Variants in STRN3 observed in about 807,000 individuals in gnomAD.
STRN3 encodes striatin 3.
Under a neutral mutation model 95.6 loss-of-function variants are expected in STRN3, and 29 were observed. That is an observed-to-expected ratio of 0.30 (90% CI 0.23 to 0.41). The LOEUF (loss-of-function observed/expected upper bound fraction) is 0.41. Among genes scored for constraint, STRN3 ranks in the 10% least tolerant of loss-of-function variants. The pLI, the probability that STRN3 is intolerant of heterozygous loss-of-function variation, is 1.00. For missense variants in STRN3, 890 were observed against 972.1 expected, an observed-to-expected ratio of 0.92 and a Z score of 1.12; for synonymous variants, 331 against 357.6, an observed-to-expected ratio of 0.93 and a Z score of 0.84.
intron 9 of STRN3, among the ~76,000 whole-genome samples, chr14:30,917,421 C>T (rs1336090683): frequency 1.3e-5 from 2 of 152,062 alleles, no homozygotes; most frequent in East Asian, 1.9e-4. Context: ...ACATTGCTAA[C>T]GTGGCTTTGC....
chr14:30,966,140 C>CT (rs1880491251), intron 1 of STRN3, among the ~76,000 whole-genome samples: 1 of 152,018 alleles, frequency 6.6e-6, no homozygotes, highest in Non-Finnish European at 1.5e-5. Context: ...TTAGTTTAGC[C>CT]TGTGCATCCA....
chr14:30,895,417 A>G lies in STRN3; in HGVS notation c.2388T>C (p.Phe796=). The G allele has an allele frequency of 6.2e-7, 1 of 1,602,572 alleles. No individual in the cohort carries two copies. The highest frequency in any genetic ancestry group is 8.5e-7 in the Non-Finnish European group (1 of 1,173,428). Residue 796 remains phenylalanine (F), a synonymous_variant, in exon 18 of 18, where the codon TTT becomes TTC. Transcript: ENST00000357479. The part of the protein sequence containing the change: ...SAGADALAKV[F]V The stretch of plus-strand genomic sequence containing the variant: ...GATGCAAGTTTTTGTTGATTCATAC[A>G]AATACTTTGGCAAGAGCATCAGCTC...
chr14:30,914,115 C>G (rs1896676282), intron 9 of STRN3, among the ~76,000 whole-genome samples: 1 of 152,136 alleles, frequency 6.6e-6, no homozygotes, highest in Admixed American at 6.5e-5. Flanking sequence ...TCACCAAGTC[C>G]TTTTGCTTTC....
chr14:30,912,080 G>A lies in STRN3; in HGVS notation c.1477C>T (p.Pro493Ser). 1.9e-6 allele frequency: 3 copies of A among 1,614,112 alleles called. No individual in the cohort carries two copies. The highest frequency in any genetic ancestry group is 2.5e-6 in the Non-Finnish European group (3 of 1,179,988). The stretch of plus-strand genomic sequence containing the variant: ...TCCTCAGAAGCAGTAACCAGCACAG[G>A]TTCTACAGGATGAAAAGCTAATGCC... ...VRALAFHPVE[P>S]VLVTASEDHT... The change falls in exon 11 of 18, where the codon CCT (proline) becomes TCT (serine). Residue 493 changes from proline (P) to serine (S), a missense_variant. Transcript: ENST00000357479.
At chr14:30,936,727 G>A (rs1484107058) in intron 5 of STRN3, 103 bp from the exon 6 acceptor site, 7 of 1,354,320 alleles carry the variant, frequency 5.2e-6, no homozygotes, top group South Asian at 1.6e-5. Flanking sequence ...AGAGAGATTC[G>A]AATGACTACC....
chr14:30,926,421 T>C (rs1281721536), intron 8 of STRN3, among the ~76,000 whole-genome samples: 1 of 151,674 alleles, frequency 6.6e-6, no homozygotes. Flanking sequence ...AAAAAGGAGG[T>C]TTTACGTATA....
chr14:30,943,835 C>T (rs1446633424), intron 5 of STRN3, among the ~76,000 whole-genome samples: 2 of 151,800 alleles, frequency 1.3e-5, no homozygotes, highest in East Asian at 3.9e-4. Context: ...GTAGTCAAAC[C>T]CAGAAACACA....
intron 1 of STRN3, among the ~76,000 whole-genome samples, chr14:30,962,174 TAA>T (rs1375257231): frequency 1.3e-5 from 2 of 152,076 alleles, no homozygotes; most frequent in South Asian, 4.2e-4. Context: ...AAAAAAAGTT[TAA>T]AAAGTAAAAA....
chr14:30,980,319 T>C (rs1336627737), intron 1 of STRN3, among the ~76,000 whole-genome samples: 1 of 152,146 alleles, frequency 6.6e-6, no homozygotes, highest in Non-Finnish European at 1.5e-5. Context: ...CCACTAGAGG[T>C]CACCAGCGTA....
At chr14:30,974,604 C>T (rs1880993519) in intron 1 of STRN3, among the ~76,000 whole-genome samples, 2 of 48,492 alleles carry the variant, frequency 4.1e-5, no homozygotes, top group South Asian at 9.4e-4. Context: ...AATAGCATAA[C>T]TACAAAAAAA....
chr14:30,965,205 A>G (rs2179933), intron 1 of STRN3, among the ~76,000 whole-genome samples: 152,073 of 152,308 alleles, frequency 1, 75,924 homozygotes, highest in Non-Finnish European at 1. Flanking sequence ...GTCACCTAAT[A>G]CAATTGACTA....
intron 7 of STRN3, among the ~76,000 whole-genome samples, chr14:30,929,972 A>AAAAAAAACAAAAAAAAAAAAAAC (rs1566441501): frequency 6.7e-6 from 1 of 149,500 alleles, no homozygotes; most frequent in African/African-American, 2.5e-5. Context: ...AAAAAAAAAA[A>AAAAAAAACAAAAAAAAAAAAAAC]AAAAAAACTC....
chr14:30,963,886 T>G (rs1880336594), intron 1 of STRN3, among the ~76,000 whole-genome samples: 2 of 151,936 alleles, frequency 1.3e-5, no homozygotes, highest in African/African-American at 4.8e-5. Context: ...ACACAGGACA[T>G]ACCAAAACTT....
intron 15 of STRN3, among the ~76,000 whole-genome samples, chr14:30,904,282 G>A (rs1896402617): frequency 6.6e-6 from 1 of 152,138 alleles, no homozygotes; most frequent in East Asian, 1.9e-4. Context: ...AAAGGACTCA[G>A]GAGCCAACAT....
chr14:30,948,680 T>C (rs1879487783), intron 4 of STRN3, among the ~76,000 whole-genome samples: 1 of 152,064 alleles, frequency 6.6e-6, no homozygotes. Flanking sequence ...AGCTGACAAA[T>C]GAACAAGAAG....
rs1220952387 is a variant in STRN3 at position 30,956,277 on chromosome 14, C to A, written c.283-35G>T. ...TAAAAGATGCATTTATTTACATTTTCCCTTAACCATACATAGGAAACTGAA... is the reference window on the plus strand; with the variant it reads ...TAAAAGATGCATTTATTTACATTTTACCTTAACCATACATAGGAAACTGAA... On this transcript the variant is annotated intron_variant, in intron 1 of 17. Coordinates refer to ENST00000357479, the MANE Select transcript of STRN3 (RefSeq NM_001083893.2). 3.8e-6 allele frequency: 6 copies of A among 1,585,952 alleles called. No individual in the cohort carries two copies. The Admixed American group carries it at 6.7e-5, about 18-fold the overall frequency.
intron 1 of STRN3, among the ~76,000 whole-genome samples, chr14:30,960,807 T>G (rs149975989): frequency 7.0e-6 from 1 of 141,988 alleles, no homozygotes; most frequent in South Asian, 2.3e-4. Flanking sequence ...AGGCGGAGCT[T>G]GCAGTGAGCT....
At position 30,901,596 on chromosome 14, in the gene STRN3, T is replaced by TTTA. The variant is rs1461991561; in HGVS notation, c.2137+937_2137+939dup. ...AGAAGTCCTTCAGTACCCTGACTGT[T>TTTA]TTAGCCTCTCCTCAAAGTAGCCTTC... is the stretch of plus-strand genomic sequence containing the variant. On this transcript the variant is annotated intron_variant, in intron 16 of 17. Coordinates refer to ENST00000357479, the MANE Select transcript of STRN3 (RefSeq NM_001083893.2). Among the ~76,000 whole-genome samples the TTTA allele has an allele frequency of 6.6e-5, 10 of 152,310 alleles. No homozygotes were observed. In the South Asian group the frequency reaches 8.3e-4, roughly 13 times the overall value.
chr14:30,981,269 G>A (rs771318232), intron 1 of STRN3, among the ~76,000 whole-genome samples: 9 of 151,988 alleles, frequency 5.9e-5, no homozygotes, highest in Non-Finnish European at 7.3e-5. Context: ...AACTATGACT[G>A]CACCACTGCA....
Sources: gnomAD v4.1 joint callset for allele counts (sites outside exome capture counted in the v4.1 genomes callset) on GRCh38, gnomAD v4.1.1 for gene constraint, MANE v1.5 for transcripts, NCBI Gene and HGNC (gene_info 2026-07-23, HGNC 2026-07-21) for gene names.